The following CACUL1 variants were observed in gnomAD, a reference collection of about 807,000 sequenced individuals.
CACUL1 encodes CDK2-associated and cullin domain-containing protein 1.
Under a neutral mutation model 45.2 loss-of-function variants are expected in CACUL1, and 13 were observed. The ratio of observed to expected loss-of-function variants is 0.29; its 90% CI spans 0.19 to 0.46. CACUL1 has a LOEUF of 0.46. Ranked by LOEUF, CACUL1 falls within the 20% of genes least tolerant of loss-of-function variation. The probability of loss-of-function intolerance (pLI) is 1.00; values close to 1 mark genes in which losing one functional copy is unlikely to be tolerated. For missense variants in CACUL1, 421 were observed against 471.4 expected, an observed-to-expected ratio of 0.89 and a Z score of 0.99; for synonymous variants, 197 against 174.2, an observed-to-expected ratio of 1.13 and a Z score of -1.03.
chr10:118,693,365 T>A (rs1261019586), intron 6 of CACUL1: 1 of 158,942 alleles, frequency 6.3e-6, no homozygotes, highest in East Asian at 1.8e-4. Flanking sequence ...CATGTAAATG[T>A]CAAAATATGT....
At chr10:118,714,858 T>C (rs1845526709) in intron 3 of CACUL1, among the ~76,000 whole-genome samples, 2 of 152,206 alleles carry the variant, frequency 1.3e-5, no homozygotes, top group South Asian at 4.1e-4. Flanking sequence ...AAATGAAAAT[T>C]CATGCTAAGG....
chr10:118,705,696 T>C (rs1845426482), intron 4 of CACUL1, among the ~76,000 whole-genome samples: 1 of 152,236 alleles, frequency 6.6e-6, no homozygotes, highest in African/African-American at 2.4e-5. Context: ...GATATTCATA[T>C]AGACAGACTT....
intron 1 of CACUL1, among the ~76,000 whole-genome samples, chr10:118,733,520 GA>G (rs1418733761): frequency 4.6e-5 from 7 of 152,094 alleles, no homozygotes; most frequent in Non-Finnish European, 1.5e-5. Flanking sequence ...GAAACTTCAA[GA>G]TATTTGTTAT....
intron 5 of CACUL1, among the ~76,000 whole-genome samples, chr10:118,698,210 C>A (rs909721880): frequency 4.0e-5 from 6 of 148,944 alleles, no homozygotes; most frequent in Admixed American, 1.3e-4. Flanking sequence ...CAGTGGCGAT[C>A]TTGGCTCACT....
chr10:118,710,631 A>G (rs1845475577), intron 3 of CACUL1, among the ~76,000 whole-genome samples: 1 of 152,148 alleles, frequency 6.6e-6, no homozygotes, highest in Non-Finnish European at 1.5e-5. Flanking sequence ...ATGGCCCTTC[A>G]GTGGGGCCCC....
chr10:118,750,614 G>A (rs1478525106), intron 1 of CACUL1, among the ~76,000 whole-genome samples: 2 of 152,158 alleles, frequency 1.3e-5, no homozygotes, highest in Non-Finnish European at 2.9e-5. Context: ...TACCTTCACT[G>A]CCATAGCTGA....
chr10:118,720,238 T>C (rs1297737985), intron 3 of CACUL1, among the ~76,000 whole-genome samples: 2 of 152,228 alleles, frequency 1.3e-5, no homozygotes. Context: ...AAATAATCTG[T>C]AATCTAATAC....
chr10:118,703,127 A>AT (rs1249204266), intron 4 of CACUL1, among the ~76,000 whole-genome samples: 4 of 152,230 alleles, frequency 2.6e-5, no homozygotes, highest in African/African-American at 4.8e-5. Context: ...TCTTTAAAAA[A>AT]ATATATAAAA....
Position 118,686,109 on chromosome 10 carries a change from A to G in CACUL1, c.*19T>C. ...AGTGTGTCCTCTTTTCAGGAAGGAAAGCATATTCAATACATTCACTATCTG... is the reference window on the plus strand; with the variant it reads ...AGTGTGTCCTCTTTTCAGGAAGGAAGGCATATTCAATACATTCACTATCTG... On this transcript the variant is annotated 3_prime_UTR_variant, in exon 9 of 9. Transcript: ENST00000369151. The G allele has an allele frequency of 6.2e-7, 1 of 1,600,184 alleles. No homozygotes were observed. Among genetic ancestry groups the G allele is most frequent in the Non-Finnish European group, 8.6e-7 (1 of 1,167,378 alleles).
chr10:118,730,884 C>T (rs555443175), intron 1 of CACUL1, among the ~76,000 whole-genome samples: 1 of 152,168 alleles, frequency 6.6e-6, no homozygotes, highest in Non-Finnish European at 1.5e-5. Context: ...GGATTAAGGT[C>T]CAAATGCTGC....
At chr10:118,709,025 T>A (rs1845459815) in intron 3 of CACUL1, among the ~76,000 whole-genome samples, 2 of 152,240 alleles carry the variant, frequency 1.3e-5, no homozygotes, top group South Asian at 4.1e-4. Flanking sequence ...TATTGCCTAC[T>A]GTTGACCAGA....
At chr10:118,727,732 T>A (rs928577200) in intron 3 of CACUL1, among the ~76,000 whole-genome samples, 10 of 152,202 alleles carry the variant, frequency 6.6e-5, no homozygotes, top group Non-Finnish European at 1.3e-4. Context: ...TTAAGGTGTA[T>A]CAATGAAGTA....
chr10:118,703,304 T>C (rs1845402322), intron 4 of CACUL1, among the ~76,000 whole-genome samples: 1 of 152,058 alleles, frequency 6.6e-6, no homozygotes, highest in Admixed American at 6.6e-5. Flanking sequence ...TGGATATGCT[T>C]TTTTCCCCCT....
intron 1 of CACUL1, among the ~76,000 whole-genome samples, chr10:118,734,776 A>T (rs1420211165): frequency 1.3e-5 from 2 of 152,266 alleles, no homozygotes; most frequent in Non-Finnish European, 2.9e-5. Flanking sequence ...TTTTAAGATA[A>T]TAAGCTCACA....
intron 3 of CACUL1, among the ~76,000 whole-genome samples, chr10:118,717,069 T>C (rs571540570): frequency 6.6e-6 from 1 of 152,288 alleles, no homozygotes; most frequent in East Asian, 1.9e-4. Context: ...CACTCCAAAG[T>C]CTTGATTCAG....
At chr10:118,721,712 G>A (rs12412795) in intron 3 of CACUL1, among the ~76,000 whole-genome samples, 13,934 of 152,074 alleles carry the variant, frequency 0.092, 678 homozygotes, top group Admixed American at 0.15. Flanking sequence ...TGGGGCTAAC[G>A]TACAGTGTGA....
At chr10:118,752,951 G>A (rs1278087325) in intron 1 of CACUL1, among the ~76,000 whole-genome samples, 7 of 151,420 alleles carry the variant, frequency 4.6e-5, no homozygotes, top group African/African-American at 1.5e-4. Context: ...TTTTCTTGTC[G>A]TTTTTATCAG....
At chr10:118,710,230 TC>T (rs1317057472) in intron 3 of CACUL1, among the ~76,000 whole-genome samples, 1 of 152,080 alleles carries the variant, frequency 6.6e-6, no homozygotes, top group African/African-American at 2.4e-5. Context: ...CCAGCGCATT[TC>T]TTTTTCTTAG....
rs1282090004 is a variant in CACUL1 at position 118,701,482 on chromosome 10, A to G, written c.694-74T>C. ...TTAGTCTAATGAACTGGAGCACTAA[A>G]TATTTTAGAAAACAATGCATAAAGG... is the stretch of plus-strand genomic sequence containing the variant. On this transcript the variant is annotated intron_variant, in intron 4 of 8. Transcript: ENST00000369151. 8 of 766,308 alleles carry G rather than the reference A, an allele frequency of 1.0e-5. No individual in the cohort carries two copies. In the East Asian group the frequency reaches 2.3e-4, roughly 22 times the overall value. The allele number at this position is 766,308 out of a possible 1,614,324, so 47.5% of individuals were successfully genotyped here.
Sources: allele counts gnomAD v4.1 joint callset (sites outside exome capture counted in the v4.1 genomes callset), GRCh38; gene constraint gnomAD v4.1.1; transcripts MANE v1.5; gene names NCBI Gene and HGNC (gene_info 2026-07-23, HGNC 2026-07-21).